SLC9B1: variants seen among roughly 807,000 people sequenced by gnomAD.
The protein encoded by SLC9B1 is solute carrier family 9 member B1.
In SLC9B1, 32 loss-of-function variants were observed where a neutral mutation model predicts 51.7. That is an observed-to-expected ratio of 0.62 (90% CI 0.47 to 0.83). The LOEUF (loss-of-function observed/expected upper bound fraction) is 0.83. SLC9B1 is among the 40% of genes least tolerant of loss of function. The pLI is 0.00. For synonymous variants in SLC9B1, 145 were observed against 212.7 expected (o/e 0.68, Z 2.77); for missense variants, 406 against 613.2 (o/e 0.66, Z 3.57).
At chr4:102,979,566 A>C (rs934070537) in intron 3 of SLC9B1, among the ~76,000 whole-genome samples, 3 of 152,150 alleles carry the variant, frequency 2.0e-5, no homozygotes, top group Non-Finnish European at 4.4e-5. Flanking sequence ...TCTATGGAGA[A>C]GCCTTATGTT....
intron 9 of SLC9B1, among the ~76,000 whole-genome samples, 167 bp from the exon 10 acceptor site, chr4:102,906,811 G>C (rs1248276836): frequency 6.6e-6 from 1 of 151,848 alleles, no homozygotes; most frequent in Non-Finnish European, 1.5e-5. Context: ...GCTCACTGTA[G>C]CCTTGAACTC....
chr4:102,957,707 T>A (rs575434672), intron 3 of SLC9B1, among the ~76,000 whole-genome samples: 1 of 152,274 alleles, frequency 6.6e-6, no homozygotes, highest in South Asian at 2.1e-4. Flanking sequence ...AACTTGAACC[T>A]ATAAGGAATA....
chr4:102,939,406 CAAA>C (rs56014819), intron 6 of SLC9B1, among the ~76,000 whole-genome samples: 317 of 67,576 alleles, frequency 4.7e-3, no homozygotes, highest in East Asian at 0.018. Flanking sequence ...GTCTCTGAGC[CAAA>C]AAAAAAAAAA....
intron 3 of SLC9B1, among the ~76,000 whole-genome samples, chr4:102,978,301 T>C (rs1163202073): frequency 2.0e-5 from 3 of 152,218 alleles, no homozygotes; most frequent in Non-Finnish European, 4.4e-5. Context: ...CAGCATGATT[T>C]ATAATCCTTA....
chr4:102,930,809 T>C (rs190579307), intron 7 of SLC9B1, among the ~76,000 whole-genome samples: 4 of 152,330 alleles, frequency 2.6e-5, no homozygotes, highest in African/African-American at 7.2e-5. Flanking sequence ...TAAGTAATTA[T>C]GATGCAGCAC....
intron 1 of SLC9B1, among the ~76,000 whole-genome samples, chr4:103,015,575 C>T (rs540706988): frequency 6.6e-6 from 1 of 152,260 alleles, no homozygotes; most frequent in Non-Finnish European, 1.5e-5. Flanking sequence ...CCACAAATCT[C>T]AAATGGCCAC....
At chr4:102,964,754 T>A (rs568597656) in intron 3 of SLC9B1, among the ~76,000 whole-genome samples, 1 of 152,188 alleles carries the variant, frequency 6.6e-6, no homozygotes, top group East Asian at 1.9e-4. Flanking sequence ...CTCATATATT[T>A]AAAAAAATCT....
intron 3 of SLC9B1, among the ~76,000 whole-genome samples, chr4:102,973,368 T>G (rs558628664): frequency 6.6e-6 from 1 of 152,266 alleles, no homozygotes; most frequent in South Asian, 2.1e-4. Flanking sequence ...TAAAGACATC[T>G]ATGCAAGTAA....
rs189239979 is a variant in SLC9B1 at position 102,928,748 on chromosome 4, G to A, written c.829+3376C>T. Among the ~76,000 whole-genome samples the A allele has an allele frequency of 1.4e-4, 22 of 152,240 alleles. No homozygotes were observed. In the East Asian group the frequency reaches 2.9e-3, roughly 20 times the overall value. On this transcript the variant is annotated intron_variant, in intron 7 of 11. Transcript: ENST00000296422. ...AACACGTCTGCAAGTTGAGGGGCAAGGAATCTAGTATTGGCTCAGTCCGAG... is the reference window on the plus strand; with the variant it reads ...AACACGTCTGCAAGTTGAGGGGCAAAGAATCTAGTATTGGCTCAGTCCGAG...
intron 3 of SLC9B1, among the ~76,000 whole-genome samples, chr4:102,964,076 A>G (rs1738289168): frequency 1.3e-5 from 2 of 152,094 alleles, no homozygotes; most frequent in Non-Finnish European, 2.9e-5. Flanking sequence ...CCAAGAAAAA[A>G]GAAAGAAGAC....
intron 4 of SLC9B1, among the ~76,000 whole-genome samples, chr4:102,947,068 C>G (rs1414464531): frequency 3.3e-5 from 5 of 152,070 alleles, no homozygotes; most frequent in Admixed American, 3.3e-4. Context: ...AGGTCTCCCC[C>G]CACTTTGGCA....
chr4:102,996,561 A>C (rs1339128370), intron 1 of SLC9B1, among the ~76,000 whole-genome samples: 1 of 152,204 alleles, frequency 6.6e-6, no homozygotes. Flanking sequence ...GCCATCTGGA[A>C]TTGAATTTCA....
At chr4:102,887,570 T>G (rs1291024337) in intron 11 of SLC9B1, 1 of 543,776 alleles carries the variant, frequency 1.8e-6, no homozygotes, top group Admixed American at 3.3e-5. Context: ...CCTTTGTCTA[T>G]TCAGTCACTT....
rs34497777 is a variant in SLC9B1 at position 102,941,639 on chromosome 4, C to CA, written c.653+3553dup. Among the ~76,000 whole-genome samples the CA allele has an allele frequency of 6.1e-3, 498 of 81,412 alleles. 5 individuals carry two copies. The highest frequency in any genetic ancestry group is 0.016 in the South Asian group (37 of 2,350). The allele number at this position is 81,412 out of a possible 152,430, so 53.4% of individuals were successfully genotyped here. ...TGGGCAACAGAGCAAGACTCCGTCT[C>CA]AAAAAAAAAAAAAAAAAAAAAACCC... On this transcript the variant is annotated intron_variant, in intron 6 of 11. Transcript: ENST00000296422.
At chr4:102,911,357 C>T (rs1735323191) in intron 8 of SLC9B1, 74 bp downstream of exon 8, 9 of 990,812 alleles carry the variant, frequency 9.1e-6, no homozygotes, top group South Asian at 3.1e-5. Context: ...TAAATTTCAT[C>T]GACCTTACCA....
chr4:102,891,509 T>A (rs1410600703), intron 11 of SLC9B1: 2 of 152,220 alleles, frequency 1.3e-5, no homozygotes, highest in African/African-American at 2.4e-5. Context: ...GGAATCAAGA[T>A]AAGTAGTATG....
At chr4:103,019,165 G>C (rs975344697) in intron 1 of SLC9B1, among the ~76,000 whole-genome samples, 1 of 152,144 alleles carries the variant, frequency 6.6e-6, no homozygotes, top group Non-Finnish European at 1.5e-5. Flanking sequence ...GTGGGTGGGT[G>C]GGGGAAGAGA....
intron 3 of SLC9B1, among the ~76,000 whole-genome samples, chr4:102,972,813 C>A (rs1162638946): frequency 6.6e-6 from 1 of 152,060 alleles, no homozygotes; most frequent in Admixed American, 6.6e-5. Context: ...TAAATTGGAA[C>A]AAAAGTACTG....
chr4:102,910,602 G>C lies in SLC9B1; in HGVS notation c.937-14C>G, dbSNP rs770525928. On this transcript the variant is annotated splice_polypyrimidine_tract_variant and intron_variant, in intron 8 of 11. Transcript: ENST00000296422. ...TGTAAGTTTTTTCTAGAATTAGATA[G>C]ATATTTAGAAATTAGTTTATATTAA... 1.9e-5 allele frequency: 24 copies of C among 1,248,476 alleles called. No homozygotes were observed. In the South Asian group the frequency reaches 4.7e-4, roughly 25 times the overall value. The allele number at this position is 1,248,476 out of a possible 1,614,324, so 77.3% of individuals were successfully genotyped here.
Sources: gnomAD v4.1 joint callset for allele counts (sites outside exome capture counted in the v4.1 genomes callset) on GRCh38, gnomAD v4.1.1 for gene constraint, MANE v1.5 for transcripts, NCBI Gene and HGNC (gene_info 2026-07-23, HGNC 2026-07-21) for gene names.